INKA2: variants seen among roughly 807,000 people sequenced by gnomAD.
The protein encoded by INKA2 is PAK4-inhibitor INKA2.
Under a neutral mutation model 9.8 loss-of-function variants are expected in INKA2, and 3 were observed. The ratio of observed to expected loss-of-function variants is 0.31; its 90% CI spans 0.14 to 0.79. The LOEUF (loss-of-function observed/expected upper bound fraction) is 0.79. INKA2 is among the 30% of genes least tolerant of loss of function. The pLI is 0.62. For synonymous variants in INKA2, 147 were observed against 143.3 expected, an observed-to-expected ratio of 1.03 and a Z score of -0.18; for missense variants, 392 against 384.4, an observed-to-expected ratio of 1.02 and a Z score of -0.17.
intron 1 of INKA2, 56 bp downstream of exon 1, chr1:111,739,130 A>C: frequency 1.3e-6 from 2 of 1,549,616 alleles, no homozygotes; most frequent in Non-Finnish European, 1.8e-6. Flanking sequence ...GGCGGAGACC[A>C]GGTGCCCGTC....
In INKA2 at chr1:111,723,920, G is replaced by C. The variant is rs896210150; in HGVS notation, c.*3048C>G. 1.3e-5 allele frequency: 2 copies of C among 152,274 alleles called. No individual in the cohort carries two copies. Among genetic ancestry groups the C allele is most frequent in the Non-Finnish European group, 2.9e-5 (2 of 68,064 alleles). 9.4% of individuals were successfully genotyped at this position (152,274 alleles called of 1,614,324 possible). A position where few individuals can be genotyped will look rare whatever the true frequency, so the allele number is the denominator to read the frequency against. On this transcript the variant is annotated 3_prime_UTR_variant, in exon 2 of 2. Transcript: ENST00000357260. ...TTTTGCTCTTGTTCCTCTTGATTTG[G>C]CTTTGGAACAGATATGGACAATTAG...
chr1:111,728,070 C>CACACACACACACACACACACACACACAT lies in INKA2; in HGVS notation c.58-267_58-266insATGTGTGTGTGTGTGTGTGTGTGTGTGT, dbSNP rs1184555425. ...ACACACACACACACACACACACACA[C>CACACACACACACACACACACACACACAT]ACAGACATTTCATCTCCCCAACTAC... On this transcript the variant is annotated intron_variant, in intron 1 of 1. Coordinates refer to ENST00000357260, the MANE Select transcript of INKA2 (RefSeq NM_019099.5). Among the ~76,000 whole-genome samples the CACACACACACACACACACACACACACAT allele has an allele frequency of 4.0e-3, 587 of 148,222 alleles. 11 individuals are homozygous for CACACACACACACACACACACACACACAT. The highest frequency in any genetic ancestry group is 4.6e-3 in the African/African-American group (186 of 40,068).
chr1:111,752,121 G>GA (rs1178081144), intron 1 of INKA2, among the ~76,000 whole-genome samples: 1 of 152,170 alleles, frequency 6.6e-6, no homozygotes, highest in Non-Finnish European at 1.5e-5. Flanking sequence ...ATGCAAACGT[G>GA]ATGACTGGAA....
At chr1:111,736,794 C>T (rs1663017070) in intron 1 of INKA2, among the ~76,000 whole-genome samples, 1 of 152,210 alleles carries the variant, frequency 6.6e-6, no homozygotes, top group Non-Finnish European at 1.5e-5. Flanking sequence ...TAAGTCAACA[C>T]ACTTCTATCC....
At position 111,727,311 on chromosome 1, in the gene INKA2, G is replaced by A; in HGVS notation, c.551C>T (p.Thr184Ile). 6.2e-7 allele frequency: 1 copy of A among 1,614,136 alleles called. No homozygotes were observed. Among genetic ancestry groups the A allele is most frequent in the Non-Finnish European group, 8.5e-7 (1 of 1,180,030 alleles). The stretch of plus-strand genomic sequence containing the variant: ...TCCTTTGGGTTCACGTGCCCCCCCA[G>A]TCTCACCCTTCTCCCCACCCTTCTC... ...ELEKGGEKGE[T>I]GGAREPKGEK... Residue 184 changes from threonine to isoleucine, a missense_variant, in exon 2 of 2, where the codon ACT becomes ATT. Transcript: ENST00000357260.
At chr1:111,747,295 T>C (rs2101394011) in intron 1 of INKA2, 1 of 152,358 alleles carries the variant, frequency 6.6e-6, no homozygotes, top group South Asian at 2.1e-4. Flanking sequence ...TATTTGTCTA[T>C]CTAAGCACCC....
chr1:111,752,438 G>A (rs1282468285), intron 1 of INKA2, among the ~76,000 whole-genome samples: 1 of 152,170 alleles, frequency 6.6e-6, no homozygotes, highest in Non-Finnish European at 1.5e-5. Context: ...TGTTTACTTT[G>A]TTCCATTTTT....
intron 1 of INKA2, chr1:111,755,493 T>C (rs1394012097): frequency 6.9e-6 from 4 of 583,380 alleles, no homozygotes; most frequent in Admixed American, 6.8e-5. Flanking sequence ...GGGGAAGAGG[T>C]GGCCGCGAAG....
chr1:111,739,318 G>A lies in INKA2; in HGVS notation c.-76C>T, dbSNP rs1663086798. 1.9e-6 allele frequency: 3 copies of A among 1,593,324 alleles called. No individual in the cohort carries two copies. The highest frequency in any genetic ancestry group is 1.1e-5 in the South Asian group (1 of 89,058). ...CGGCCCCACTGGAAACTGCGCTCCG[G>A]GCCGGCTCCCCGCCCCTGCGCCCGT... On this transcript the variant is annotated 5_prime_UTR_variant, in exon 1 of 2. Transcript: ENST00000357260.
upstream of INKA2, among the ~76,000 whole-genome samples, chr1:111,743,054 A>C (rs1317260816): frequency 6.6e-6 from 1 of 152,140 alleles, no homozygotes; most frequent in Non-Finnish European, 1.5e-5. Flanking sequence ...AAAAGGATTT[A>C]AGTGATGAGA....
At position 111,724,819 on chromosome 1, in the gene INKA2, AC is replaced by A. The variant is rs1475619647; in HGVS notation, c.*2148del. 6.6e-6 allele frequency: 1 copy of A among 152,124 alleles called. No homozygotes were observed. Among genetic ancestry groups the A allele is most frequent in the African/African-American group, 2.4e-5 (1 of 41,410 alleles). The allele number at this position is 152,124 out of a possible 1,614,324, so 9.4% of individuals were successfully genotyped here. On this transcript the variant is annotated 3_prime_UTR_variant, in exon 2 of 2. Transcript: ENST00000357260. Reference sequence around the variant, plus strand: ...AGGGGTTTTGGAGCCAGATAACCCAACCCTCTGTTCAAATCTCTGTCCTTTC... The same window carrying A: ...AGGGGTTTTGGAGCCAGATAACCCAACCTCTGTTCAAATCTCTGTCCTTTC...
At chr1:111,740,352 G>A (rs561423843), upstream of INKA2, among the ~76,000 whole-genome samples, 4 of 152,312 alleles carry the variant, frequency 2.6e-5, no homozygotes, top group Admixed American at 2.6e-4. Context: ...GCGGCCAATA[G>A]GCTCGATAGG....
chr1:111,748,006 C>T (rs1411715078), intron 1 of INKA2, among the ~76,000 whole-genome samples: 1 of 152,220 alleles, frequency 6.6e-6, no homozygotes, highest in Non-Finnish European at 1.5e-5. Flanking sequence ...TCTCCCACCT[C>T]TCCCTGTTCC....
chr1:111,754,958 G>A (rs1196910514), intron 1 of INKA2: 2 of 110,260 alleles, frequency 1.8e-5, no homozygotes, highest in Non-Finnish European at 3.7e-5. Flanking sequence ...GGATGACAGA[G>A]CTGTCTTAGG....
upstream of INKA2, among the ~76,000 whole-genome samples, chr1:111,742,276 C>G (rs933679693): frequency 6.6e-6 from 1 of 152,128 alleles, no homozygotes; most frequent in African/African-American, 2.4e-5. Flanking sequence ...GAGTCTAATA[C>G]TTTATACTCC....
At position 111,726,664 on chromosome 1, in the gene INKA2, C is replaced by T; in HGVS notation, c.*304G>A. ...CCTCCTCTGCCCTCACCTACTGTCA[C>T]CTCCAGCCCCAAAGTGAGTGCATGC... On this transcript the variant is annotated 3_prime_UTR_variant, in exon 2 of 2. Coordinates refer to ENST00000357260, the MANE Select transcript of INKA2 (RefSeq NM_019099.5). The T allele has an allele frequency of 2.6e-6, 1 of 379,126 alleles. No homozygotes were observed. The highest frequency in any genetic ancestry group is 4.8e-6 in the Non-Finnish European group (1 of 208,604). 23.5% of individuals were successfully genotyped at this position (379,126 alleles called of 1,614,324 possible). A position where few individuals can be genotyped will look rare whatever the true frequency, so the allele number is the denominator to read the frequency against.
chr1:111,728,213 T>C (rs1662835668), intron 1 of INKA2, among the ~76,000 whole-genome samples: 1 of 151,774 alleles, frequency 6.6e-6, no homozygotes, highest in Admixed American at 6.6e-5. Context: ...CCCATCCTCA[T>C]CCTTTTTTGA....
chr1:111,746,825 G>C (rs1663283998), intron 1 of INKA2: 1 of 152,210 alleles, frequency 6.6e-6, no homozygotes, highest in Admixed American at 6.5e-5. Flanking sequence ...GCAGTGTGAG[G>C]GGTGTGCTGG....
Position 111,727,486 on chromosome 1 carries a change from G to A in INKA2, c.376C>T (p.Gln126Ter). ...LAPLPRTQPHQSCAQQGPERV... is the reference protein window; with the variant it reads ...LAPLPRTQPH ...TCTGGCCCCTGCTGAGCACAGCTTT[G>A]ATGTGGCTGTGTCCTGGGCAAGGGG... Residue 126 changes from glutamine (Q) to a stop codon, truncating the protein, a stop_gained, in exon 2 of 2, where the codon CAA (glutamine) becomes TAA (stop). Coordinates refer to ENST00000357260, the MANE Select transcript of INKA2 (RefSeq NM_019099.5). LOFTEE classifies it high-confidence loss of function. 6.2e-7 allele frequency: 1 copy of A among 1,614,202 alleles called. No individual in the cohort carries two copies. The highest frequency in any genetic ancestry group is 8.5e-7 in the Non-Finnish European group (1 of 1,180,038).
Sources: gnomAD v4.1 joint callset for allele counts (sites outside exome capture counted in the v4.1 genomes callset) on GRCh38, gnomAD v4.1.1 for gene constraint, MANE v1.5 for transcripts, NCBI Gene and HGNC (gene_info 2026-07-23, HGNC 2026-07-21) for gene names.